The following DNAJB2 variants were observed in gnomAD, a reference collection of about 807,000 sequenced individuals.
DNAJB2 encodes dnaJ homolog subfamily B member 2.
DNAJB2 carries 19 observed loss-of-function variants against 33.3 expected under a neutral mutation model. That is an observed-to-expected ratio of 0.57 (90% CI 0.40 to 0.84). The LOEUF is 0.84. Among genes scored for constraint, DNAJB2 ranks in the 40% least tolerant of loss-of-function variants. The pLI is 0.00. For missense variants in DNAJB2, 368 were observed against 430.9 expected, an observed-to-expected ratio of 0.85 and a Z score of 1.29; for synonymous variants, 172 against 164.6, an observed-to-expected ratio of 1.04 and a Z score of -0.34.
rs368217235 is a variant in DNAJB2, at chr2:219,284,025, G to A, written c.619+536G>A. Among the ~76,000 whole-genome samples the A allele has an allele frequency of 1.5e-4, 23 of 152,328 alleles. No individual in the cohort carries two copies. The East Asian group carries it at 3.9e-3, about 26-fold the overall frequency. ...GCTGACTCCCAGCACTGCGTACCAA[G>A]CCCTTTACATGGGCTGACATATTTA... On this transcript the variant is annotated intron_variant, in intron 8 of 8. Coordinates refer to ENST00000336576, the MANE Select transcript of DNAJB2 (RefSeq NM_006736.6).
At position 219,286,803 on chromosome 2, in the gene DNAJB2, G is replaced by GT. The variant is rs1951961211; in HGVS notation, c.*1817dup. The GT allele has an allele frequency of 6.6e-6, 1 of 152,296 alleles. No individual in the cohort carries two copies. The highest frequency in any genetic ancestry group is 1.5e-5 in the Non-Finnish European group (1 of 68,090). 9.4% of individuals were successfully genotyped at this position (152,296 alleles called of 1,614,324 possible). A position where few individuals can be genotyped will look rare whatever the true frequency, so the allele number is the denominator to read the frequency against. ...GAGGGGAGTGGTGGAGCCAGTCGCTGTAACACTGAGCCTCAGAGACGAACC... is the reference window on the plus strand; with the variant it reads ...GAGGGGAGTGGTGGAGCCAGTCGCTGTTAACACTGAGCCTCAGAGACGAACC... On this transcript the variant is annotated 3_prime_UTR_variant, in exon 9 of 9. Transcript: ENST00000336576.
In DNAJB2 at chr2:219,279,652, G is replaced by A. The variant is rs1380590494; in HGVS notation, c.-37+134G>A. On this transcript the variant is annotated intron_variant, in intron 1 of 8. Coordinates refer to ENST00000336576, the MANE Select transcript of DNAJB2 (RefSeq NM_006736.6). This position sits in a 1 kb window ranked among gnomAD's most constrained non-coding sequence, Gnocchi z 4.9. The stretch of plus-strand genomic sequence containing the variant: ...GCCTGCGGGGGCAGATAAGGCTGCC[G>A]GAGGGAGCCTAGTCACCGGCCGCAA... 2 of 628,006 alleles carry A rather than the reference G, an allele frequency of 3.2e-6. No homozygotes were observed. Among genetic ancestry groups the A allele is most frequent in the Non-Finnish European group, 5.5e-6 (2 of 364,856 alleles). The allele number at this position is 628,006 out of a possible 1,614,324, so 38.9% of individuals were successfully genotyped here. A position where few individuals can be genotyped will look rare whatever the true frequency, so the allele number is the denominator to read the frequency against.
chr2:219,280,725 C>G (rs912231859), intron 3 of DNAJB2, 38 bp downstream of exon 3: 1 of 1,434,184 alleles, frequency 7.0e-7, no homozygotes, highest in African/African-American at 1.4e-5. Context: ...GCACATCACC[C>G]CCTACTTCAT....
chr2:219,284,433 T>C (rs1022541191), intron 8 of DNAJB2, among the ~76,000 whole-genome samples, 199 bp from the exon 9 acceptor site: 2 of 152,224 alleles, frequency 1.3e-5, no homozygotes, highest in African/African-American at 4.8e-5. Context: ...GTTGAGTGAC[T>C]TGCCTAAGGG....
At chr2:219,283,884 T>G (rs1286132301) in intron 8 of DNAJB2, among the ~76,000 whole-genome samples, 1 of 152,084 alleles carries the variant, frequency 6.6e-6, no homozygotes, top group Non-Finnish European at 1.5e-5. Flanking sequence ...GACTCTTTCC[T>G]TCCAAGTAAG....
intron 3 of DNAJB2, 124 bp from the exon 4 acceptor site, chr2:219,281,594 G>C: frequency 7.6e-7 from 1 of 1,323,840 alleles, no homozygotes; most frequent in East Asian, 2.3e-5. Context: ...TGGGTCCCCT[G>C]CTGTGCCTGC....
chr2:219,285,968 G>T lies in DNAJB2; in HGVS notation c.*981G>T. 6.2e-7 allele frequency: 1 copy of T among 1,611,870 alleles called. No homozygotes were observed. Reference sequence around the variant, plus strand: ...CGCTGACGCTCTCTCCTGTCACCCCGCCCCTGCTCTCTCCCCAGATGTGTT... The same window carrying T: ...CGCTGACGCTCTCTCCTGTCACCCCTCCCCTGCTCTCTCCCCAGATGTGTT... On this transcript the variant is annotated 3_prime_UTR_variant, in exon 9 of 9. Coordinates refer to ENST00000336576, the MANE Select transcript of DNAJB2 (RefSeq NM_006736.6).
intron 8 of DNAJB2, among the ~76,000 whole-genome samples, chr2:219,284,300 C>T (rs553257483): frequency 7.2e-5 from 11 of 152,110 alleles, no homozygotes; most frequent in African/African-American, 1.9e-4. Context: ...AGGCTAGTCT[C>T]GAACTTCTAG....
In DNAJB2 at chr2:219,284,812, A is replaced by G; in HGVS notation, c.800A>G (p.Glu267Gly). The stretch of plus-strand genomic sequence containing the variant: ...ATGGCCTACAGCCTGTCAGAGATGG[A>G]GGCAGCTGGGAAGAAACCCGCAGGT... ...LAMAYSLSEM[E>G]AAGKKPAGGR... The change falls in exon 9 of 9, where the codon GAG (glutamate) becomes GGG (glycine). Residue 267 changes from glutamate (E) to glycine (G), a missense_variant. By Grantham distance (98) the Glu-to-Gly change is moderately conservative. Coordinates refer to ENST00000336576, the MANE Select transcript of DNAJB2 (RefSeq NM_006736.6). 6.2e-7 allele frequency: 1 copy of G among 1,612,714 alleles called. No homozygotes were observed. The highest frequency in any genetic ancestry group is 2.2e-5 in the East Asian group (1 of 44,862).
chr2:219,281,615 CAAGTGTCA>C, intron 3 of DNAJB2, 95 bp from the exon 4 acceptor site: 3 of 1,512,496 alleles, frequency 2.0e-6, no homozygotes, highest in Non-Finnish European at 2.7e-6. Flanking sequence ...TTTCCCCCGC[CAAGTGTCA>C]GAGTGTCAGT....
intron 3 of DNAJB2, 193 bp downstream of exon 3, chr2:219,280,880 G>T (rs1173258942): frequency 2.1e-5 from 12 of 581,452 alleles, no homozygotes; most frequent in Non-Finnish European, 3.4e-5. Flanking sequence ...GCTGGCATGA[G>T]ACCTGAAAGG....
Position 219,286,109 on chromosome 2 carries a change from C to A in DNAJB2, c.*1122C>A. ...CCCCTCACCCATGCTGAGTGTAGAG[C>A]CGGGGCCTGGGTGGCGGGTGGGGGC... On this transcript the variant is annotated 3_prime_UTR_variant, in exon 9 of 9. Transcript: ENST00000336576. 1.5e-6 allele frequency: 1 copy of A among 688,014 alleles called. No individual in the cohort carries two copies. Among genetic ancestry groups the A allele is most frequent in the East Asian group, 6.7e-5 (1 of 15,006 alleles). The allele number at this position is 688,014 out of a possible 1,614,324, so 42.6% of individuals were successfully genotyped here. A position where few individuals can be genotyped will look rare whatever the true frequency, so the allele number is the denominator to read the frequency against.
chr2:219,284,206 T>C (rs1442164545), intron 8 of DNAJB2, among the ~76,000 whole-genome samples: 1 of 152,168 alleles, frequency 6.6e-6, no homozygotes, highest in Non-Finnish European at 1.5e-5. Context: ...CAGCCCCCTG[T>C]GTAGCTGGGA....
rs766549564 is a variant in DNAJB2, at chr2:219,283,209, C to T, written c.522C>T (p.Val174=). ...FRSVSTSTTF[V]QGRRITTRRI... ...CTGTTTCTACATCTACCACCTTTGT[C>T]CAAGGACGCCGCATCACCACACGCA... Residue 174 remains valine, a synonymous_variant, in exon 7 of 9, where the codon GTC becomes GTT. Coordinates refer to ENST00000336576, the MANE Select transcript of DNAJB2 (RefSeq NM_006736.6). The T allele has an allele frequency of 6.2e-7, 1 of 1,614,230 alleles. No homozygotes were observed. The highest frequency in any genetic ancestry group is 1.1e-5 in the South Asian group (1 of 91,088).
chr2:219,283,094 C>G (rs1464564425), intron 6 of DNAJB2, 39 bp from the exon 7 acceptor site: 2 of 1,603,476 alleles, frequency 1.2e-6, no homozygotes, highest in South Asian at 2.2e-5. Context: ...CAGTCTTCTT[C>G]TAACCACCTC....
intron 5 of DNAJB2, 86 bp downstream of exon 5, chr2:219,282,147 G>A: frequency 6.2e-7 from 1 of 1,609,300 alleles, no homozygotes; most frequent in Non-Finnish European, 8.5e-7. Context: ...TGAGGTGGAA[G>A]GCTGAGAGGG....
At position 219,279,799 on chromosome 2, in the gene DNAJB2, C is replaced by G. The variant is rs368141673; in HGVS notation, c.-35C>G. 3.1e-6 allele frequency: 5 copies of G among 1,612,520 alleles called. No homozygotes were observed. Among genetic ancestry groups the G allele is most frequent in the Middle Eastern group, 1.6e-4 (1 of 6,080 alleles). ...CGCCTGACTCCTTCTCTTCTGCAGC[C>G]CCAAGGAGGCCCGCCTGACGACTGA... On this transcript the variant is annotated splice_region_variant and 5_prime_UTR_variant, in exon 2 of 9. Coordinates refer to ENST00000336576, the MANE Select transcript of DNAJB2 (RefSeq NM_006736.6). This position sits in a 1 kb window ranked among gnomAD's most constrained non-coding sequence, Gnocchi z 4.9.
chr2:219,281,203 G>A, intron 3 of DNAJB2: 1 of 189,552 alleles, frequency 5.3e-6, no homozygotes, highest in South Asian at 9.7e-5. Context: ...GCCCAGAGGG[G>A]CAGGGAAGAC....
At position 219,282,007 on chromosome 2, in the gene DNAJB2, G is replaced by A. The variant is rs139406455; in HGVS notation, c.298G>A (p.Glu100Lys). 3.4e-4 allele frequency: 553 copies of A among 1,614,184 alleles called. 6 individuals are homozygous for A. In the African/African-American group the frequency reaches 6.3e-3, roughly 19 times the overall value. ...CTTCACCTTCACCTTCCGCAGCCCCGAGGAGGTCTTCCGGGAATTCTTTGG... is the reference window on the plus strand; with the variant it reads ...CTTCACCTTCACCTTCCGCAGCCCCAAGGAGGTCTTCCGGGAATTCTTTGG... ...PGFTFTFRSP[E>K]EVFREFFGSG... Residue 100 changes from glutamate to lysine, a missense_variant, in exon 5 of 9, where the codon GAG becomes AAG. Coordinates refer to ENST00000336576, the MANE Select transcript of DNAJB2 (RefSeq NM_006736.6).
Sources: allele counts gnomAD v4.1 joint callset (sites outside exome capture counted in the v4.1 genomes callset), GRCh38; gene constraint gnomAD v4.1.1; non-coding constraint Gnocchi (gnomAD v3.1); transcripts MANE v1.5; gene names NCBI Gene and HGNC (gene_info 2026-07-23, HGNC 2026-07-21).